The following RBKS variants were observed in gnomAD, a reference collection of about 807,000 sequenced individuals.
RBKS encodes ribokinase.
Under a neutral mutation model 33.9 loss-of-function variants are expected in RBKS, and 33 were observed. That is an observed-to-expected ratio of 0.97 (90% CI 0.74 to 1.30). RBKS has a LOEUF of 1.30. Among genes scored for constraint, RBKS ranks in the 50% most tolerant of loss-of-function variants. The pLI is 0.00. For missense variants in RBKS, 361 were observed against 392.6 expected (o/e 0.92, Z 0.68); for synonymous variants, 125 against 143.0 (o/e 0.87, Z 0.90).
At chr2:27,832,848 C>T (rs1042992375) in intron 5 of RBKS, 71 bp from the exon 6 acceptor site, 2 of 996,536 alleles carry the variant, frequency 2.0e-6, no homozygotes, top group Admixed American at 3.6e-5. Flanking sequence ...AGACAACATT[C>T]AGTAGGGAAA....
chr2:27,806,415 A>G (rs1347456560), intron 7 of RBKS, among the ~76,000 whole-genome samples: 2 of 152,232 alleles, frequency 1.3e-5, no homozygotes, highest in Non-Finnish European at 2.9e-5. Context: ...TTCTGCCTGC[A>G]GAGTGTGACA....
chr2:27,789,929 A>ATGTG (rs1677482016), intron 7 of RBKS, among the ~76,000 whole-genome samples: 1 of 135,078 alleles, frequency 7.4e-6, no homozygotes, highest in Non-Finnish European at 1.5e-5. Flanking sequence ...GTGTGTGTAT[A>ATGTG]TATATATATA....
intron 7 of RBKS, among the ~76,000 whole-genome samples, chr2:27,821,669 G>GTTT (rs1415775177): frequency 6.6e-6 from 1 of 152,150 alleles, no homozygotes; most frequent in Non-Finnish European, 1.5e-5. Context: ...TGGAATAAAG[G>GTTT]TGATAATGAA....
chr2:27,788,274 A>G (rs181876475), intron 7 of RBKS, among the ~76,000 whole-genome samples: 126 of 152,346 alleles, frequency 8.3e-4, no homozygotes, highest in Non-Finnish European at 2.9e-4. Context: ...AAAGGCATAC[A>G]GATTGAAAAG....
intron 2 of RBKS, among the ~76,000 whole-genome samples, chr2:27,858,093 A>T (rs990638714): frequency 6.6e-6 from 1 of 152,222 alleles, no homozygotes; most frequent in Non-Finnish European, 1.5e-5. Flanking sequence ...ATGCTAAGTG[A>T]AAGAAGCCAG....
chr2:27,833,473 G>C (rs879374481), intron 5 of RBKS, among the ~76,000 whole-genome samples: 19 of 152,294 alleles, frequency 1.2e-4, no homozygotes, highest in Admixed American at 1.2e-3. Context: ...ACAAGAGAAG[G>C]ATAGATGGGA....
rs1013274244 is a variant in RBKS at position 27,830,341 on chromosome 2, C to T, written c.606+2345G>A. 3.9e-5 allele frequency among the ~76,000 whole-genome samples: 6 copies of T among 152,114 alleles called. No individual in the cohort carries two copies. The East Asian group carries it at 1.2e-3, about 29-fold the overall frequency. ...GCCGCCTGATCTTGGCTCACTGCAA[C>T]CTCCACCTCCCAGGTCCTGGTTCAA... On this transcript the variant is annotated intron_variant, in intron 6 of 7. Coordinates refer to ENST00000302188, the MANE Select transcript of RBKS (RefSeq NM_022128.3).
At position 27,782,157 on chromosome 2, in the gene RBKS, A is replaced by ATT. The variant is rs139534972; in HGVS notation, c.796-371_796-370dup. ...TCTTAGACATTCTTTGTTTTTGATG[A>ATT]TTTTTTTTTTCTTTTTTTTAAAGAG... On this transcript the variant is annotated intron_variant, in intron 7 of 7. Transcript: ENST00000302188. Among the ~76,000 whole-genome samples, 1,051 of 148,548 alleles carry ATT rather than the reference A, an allele frequency of 7.1e-3. 6 individuals carry two copies. Among genetic ancestry groups the ATT allele is most frequent in the Middle Eastern group, 0.028 (8 of 290 alleles).
In RBKS at chr2:27,810,067, C is replaced by T; in HGVS notation, c.795+17500G>A. On this transcript the variant is annotated intron_variant, in intron 7 of 7. Coordinates refer to ENST00000302188, the MANE Select transcript of RBKS (RefSeq NM_022128.3). The surrounding 1 kb of genome is among the most constrained non-coding windows in gnomAD (Gnocchi z 4.4). ...TACACTGTGAAAATGAAGGAAGGAA[C>T]TGAGCAATTGTTCTGTGAATCTAAC... is the stretch of plus-strand genomic sequence containing the variant. 1 of 1,303,902 alleles carries T rather than the reference C, an allele frequency of 7.7e-7. No homozygotes were observed. The highest frequency in any genetic ancestry group is 1.0e-6 in the Non-Finnish European group (1 of 988,884). 80.8% of individuals were successfully genotyped at this position (1,303,902 alleles called of 1,614,324 possible).
At chr2:27,787,247 C>A (rs534536324) in intron 7 of RBKS, among the ~76,000 whole-genome samples, 39 of 152,078 alleles carry the variant, frequency 2.6e-4, no homozygotes, top group Non-Finnish European at 4.4e-5. Context: ...GCCTGGGCAA[C>A]GTCGTGAAGC....
intron 7 of RBKS, among the ~76,000 whole-genome samples, chr2:27,824,417 C>G (rs1678275204): frequency 6.6e-6 from 1 of 152,160 alleles, no homozygotes; most frequent in Non-Finnish European, 1.5e-5. Context: ...AACCACCCAT[C>G]TATGCTCTGT....
At chr2:27,826,251 T>C (rs1678309382) in intron 7 of RBKS, among the ~76,000 whole-genome samples, 1 of 152,228 alleles carries the variant, frequency 6.6e-6, no homozygotes, top group Admixed American at 6.5e-5. Context: ...TTTTTCATAA[T>C]GACCCACATT....
intron 1 of RBKS, among the ~76,000 whole-genome samples, chr2:27,862,239 C>A (rs116312120): frequency 1.3e-5 from 2 of 152,012 alleles, no homozygotes; most frequent in African/African-American, 4.8e-5. Flanking sequence ...CGTGAGCCAC[C>A]GTGCCTGGCT....
chr2:27,829,238 GGTT>G (rs2148203450), intron 6 of RBKS, among the ~76,000 whole-genome samples: 1 of 151,904 alleles, frequency 6.6e-6, no homozygotes, highest in East Asian at 1.9e-4. Flanking sequence ...TTCATCTGTA[GGTT>G]GTTGATTGTG....
At chr2:27,789,983 A>G (rs1677490077) in intron 7 of RBKS, among the ~76,000 whole-genome samples, 1 of 138,206 alleles carries the variant, frequency 7.2e-6, no homozygotes, top group South Asian at 2.2e-4. Flanking sequence ...GTATATATAT[A>G]TGTAGAGAGA....
rs185169772 is a variant in RBKS, at chr2:27,889,855, T to C, written c.89+402A>G. 1.5e-3 allele frequency: 271 copies of C among 177,534 alleles called. 1 individual carries two copies. The highest frequency in any genetic ancestry group is 5.7e-3 in the African/African-American group (241 of 42,510). 11.0% of individuals were successfully genotyped at this position (177,534 alleles called of 1,614,324 possible). A position where few individuals can be genotyped will look rare whatever the true frequency, so the allele number is the denominator to read the frequency against. Reference sequence around the variant, plus strand: ...GCTTGACAAAACACTTTACTTCATTTAGTCCTCACAACAACCCTGTGAGGT... The same window carrying C: ...GCTTGACAAAACACTTTACTTCATTCAGTCCTCACAACAACCCTGTGAGGT... On this transcript the variant is annotated intron_variant, in intron 1 of 7. Coordinates refer to ENST00000302188, the MANE Select transcript of RBKS (RefSeq NM_022128.3).
At chr2:27,829,186 C>T (rs994936648) in intron 6 of RBKS, among the ~76,000 whole-genome samples, 4 of 152,038 alleles carry the variant, frequency 2.6e-5, no homozygotes, top group Admixed American at 6.6e-5. Flanking sequence ...TGAGCCACCA[C>T]GCCTGGCTGA....
At chr2:27,882,873 TG>T in intron 1 of RBKS, among the ~76,000 whole-genome samples, 1 of 152,174 alleles carries the variant, frequency 6.6e-6, no homozygotes, top group Middle Eastern at 3.4e-3. Flanking sequence ...GGGAGCTAAA[TG>T]ATGAGAACAC....
chr2:27,888,239 T>G (rs191610416), intron 1 of RBKS, among the ~76,000 whole-genome samples: 1 of 152,104 alleles, frequency 6.6e-6, no homozygotes, highest in Admixed American at 6.5e-5. Context: ...GCAATTCTCC[T>G]GCCTCAGCCT....
Sources: allele counts gnomAD v4.1 joint callset (sites outside exome capture counted in the v4.1 genomes callset), GRCh38; gene constraint gnomAD v4.1.1; non-coding constraint Gnocchi (gnomAD v3.1); transcripts MANE v1.5; gene names NCBI Gene and HGNC (gene_info 2026-07-23, HGNC 2026-07-21).